ZNF804B: variants seen among roughly 807,000 people sequenced by gnomAD.
ZNF804B encodes zinc finger protein 804B.
In ZNF804B, 80 loss-of-function variants were observed where a neutral mutation model predicts 101.4. That is an observed-to-expected ratio of 0.79 (90% CI 0.66 to 0.95). ZNF804B has a LOEUF of 0.95. ZNF804B is among the 40% of genes least tolerant of loss of function. ZNF804B has a pLI of 0.00. For missense variants in ZNF804B, 1,673 were observed against 1,561.9 expected (o/e 1.07, Z -1.20); for synonymous variants, 622 against 558.8 (o/e 1.11, Z -1.59).
chr7:88,994,843 C>T (rs1385685170), intron 1 of ZNF804B, among the ~76,000 whole-genome samples: 2 of 152,032 alleles, frequency 1.3e-5, no homozygotes, highest in Non-Finnish European at 2.9e-5. Flanking sequence ...ATAAAAACAA[C>T]TTATCCTCTT....
chr7:89,298,132 T>TATATATATC (rs1450185081), intron 2 of ZNF804B, among the ~76,000 whole-genome samples: 1 of 138,006 alleles, frequency 7.2e-6, no homozygotes, highest in Non-Finnish European at 1.5e-5. Context: ...TATAAATATA[T>TATATATATC]ATATATATAT....
At chr7:88,796,782 T>C (rs757309138) in intron 1 of ZNF804B, among the ~76,000 whole-genome samples, 9 of 152,104 alleles carry the variant, frequency 5.9e-5, no homozygotes, top group Non-Finnish European at 1.0e-4. Flanking sequence ...TAAGTGGTCC[T>C]TAAAGCCACT....
intron 1 of ZNF804B, among the ~76,000 whole-genome samples, chr7:89,170,399 A>G (rs1387943528): frequency 6.6e-6 from 1 of 152,230 alleles, no homozygotes; most frequent in African/African-American, 2.4e-5. Context: ...CACAAATGAC[A>G]AACTGCTTCT....
At chr7:88,877,093 T>C in intron 1 of ZNF804B, among the ~76,000 whole-genome samples, 1 of 115,160 alleles carries the variant, frequency 8.7e-6, no homozygotes, top group East Asian at 3.0e-4. Context: ...AGAGTCTCCC[T>C]CTGTCACCCA....
At chr7:89,093,450 A>G (rs1159225163) in intron 1 of ZNF804B, among the ~76,000 whole-genome samples, 1 of 152,162 alleles carries the variant, frequency 6.6e-6, no homozygotes, top group Non-Finnish European at 1.5e-5. Flanking sequence ...CAAAACTTCT[A>G]AAGGAGTTTT....
intron 1 of ZNF804B, among the ~76,000 whole-genome samples, chr7:89,190,204 G>T (rs945029629): frequency 6.6e-6 from 1 of 151,606 alleles, no homozygotes; most frequent in Non-Finnish European, 1.5e-5. Context: ...GCATAGTGGC[G>T]CACACCTGTA....
At chr7:88,761,549 T>A (rs1789896881) in intron 1 of ZNF804B, among the ~76,000 whole-genome samples, 1 of 152,200 alleles carries the variant, frequency 6.6e-6, no homozygotes, top group African/African-American at 2.4e-5. Flanking sequence ...GCCAGGAGAA[T>A]CTTTCTTACA....
intron 2 of ZNF804B, among the ~76,000 whole-genome samples, chr7:89,277,298 A>G (rs1051306684): frequency 3.3e-5 from 5 of 150,346 alleles, no homozygotes; most frequent in Non-Finnish European, 7.4e-5. Context: ...ACCATCAAAA[A>G]CATCTAAAGG....
At chr7:89,123,984 C>A (rs1315301781) in intron 1 of ZNF804B, among the ~76,000 whole-genome samples, 1 of 152,144 alleles carries the variant, frequency 6.6e-6, no homozygotes, top group Non-Finnish European at 1.5e-5. Context: ...CAAACTCCTC[C>A]CAGGTTCTTA....
chr7:88,833,486 G>T (rs1233880334), intron 1 of ZNF804B, among the ~76,000 whole-genome samples: 2 of 151,864 alleles, frequency 1.3e-5, no homozygotes, highest in Admixed American at 1.3e-4. Context: ...ACAATATTAA[G>T]ATGAAGAAGG....
rs146980458 is a variant in ZNF804B at position 89,268,898 on chromosome 7, G to A, written c.249+50603G>A. ...AAGTGCTGTATAAAGAGAAGACTCA[G>A]ATCAGGCAGATGGTGCCTATTATTT... On this transcript the variant is annotated intron_variant, in intron 2 of 3. Transcript: ENST00000333190. 6.8e-3 allele frequency among the ~76,000 whole-genome samples: 1,040 copies of A among 152,156 alleles called. 16 individuals are homozygous for A. Among genetic ancestry groups the A allele is most frequent in the African/African-American group, 0.024 (1,002 of 41,526 alleles).
intron 1 of ZNF804B, among the ~76,000 whole-genome samples, chr7:88,928,927 C>T (rs931713411): frequency 6.6e-6 from 1 of 151,896 alleles, no homozygotes; most frequent in Admixed American, 6.6e-5. Context: ...ATATATGACA[C>T]TTATTTTGGA....
At chr7:88,880,149 A>T (rs1350101402) in intron 1 of ZNF804B, among the ~76,000 whole-genome samples, 3 of 152,202 alleles carry the variant, frequency 2.0e-5, no homozygotes, top group Non-Finnish European at 4.4e-5. Context: ...ACTGATATGA[A>T]AGATAATTTG....
At position 88,796,437 on chromosome 7, in the gene ZNF804B, A is replaced by G. The variant is rs187169722; in HGVS notation, c.108+36353A>G. On this transcript the variant is annotated intron_variant, in intron 1 of 3. Coordinates refer to ENST00000333190, the MANE Select transcript of ZNF804B (RefSeq NM_181646.5). ...CTTTATCACTCCCTGAAGCAATACA[A>G]TCTTTCCGAAGATGTAAACCATGGT... Among the ~76,000 whole-genome samples the G allele has an allele frequency of 5.3e-5, 8 of 152,248 alleles. No individual in the cohort carries two copies. The East Asian group carries it at 1.6e-3, about 30-fold the overall frequency.
intron 1 of ZNF804B, among the ~76,000 whole-genome samples, chr7:89,021,963 G>A (rs942556878): frequency 1.3e-5 from 2 of 152,154 alleles, no homozygotes; most frequent in Non-Finnish European, 2.9e-5. Context: ...TCTAAACTGG[G>A]CTCAGGGCTT....
chr7:89,222,419 A>T (rs978283522), intron 2 of ZNF804B, among the ~76,000 whole-genome samples: 5 of 151,892 alleles, frequency 3.3e-5, no homozygotes, highest in African/African-American at 1.2e-4. Context: ...CCATCCACTT[A>T]TGACCAGATA....
chr7:89,244,353 C>T (rs1309034575), intron 2 of ZNF804B, among the ~76,000 whole-genome samples: 1 of 151,998 alleles, frequency 6.6e-6, no homozygotes, highest in African/African-American at 2.4e-5. Context: ...CACTTTGCCT[C>T]ATGCTTTGCA....
chr7:88,774,934 AT>A (rs1463299123), intron 1 of ZNF804B, among the ~76,000 whole-genome samples: 1 of 152,184 alleles, frequency 6.6e-6, no homozygotes, highest in East Asian at 1.9e-4. Context: ...GATTATGGCT[AT>A]GCCTTGAGGC....
chr7:89,261,493 C>G (rs1452595863), intron 2 of ZNF804B, among the ~76,000 whole-genome samples: 2 of 152,096 alleles, frequency 1.3e-5, no homozygotes, highest in Non-Finnish European at 2.9e-5. Flanking sequence ...CAGTCCAAAT[C>G]TGTGTTGTTC....
Sources: gnomAD v4.1 joint callset for allele counts (sites outside exome capture counted in the v4.1 genomes callset) on GRCh38, gnomAD v4.1.1 for gene constraint, MANE v1.5 for transcripts, NCBI Gene and HGNC (gene_info 2026-07-23, HGNC 2026-07-21) for gene names.